Variants in CBFA2T2 observed in about 807,000 individuals in gnomAD.
The protein encoded by CBFA2T2 is CBFA2/RUNX1 partner transcriptional co-repressor 2, also known as protein CBFA2T2.
A neutral mutation model predicts 62.2 loss-of-function variants in CBFA2T2; 11 were observed. That is an observed-to-expected ratio of 0.18 (90% CI 0.11 to 0.29). The LOEUF (loss-of-function observed/expected upper bound fraction) is 0.29, where lower values mean the gene tolerates loss of function less well. Among genes scored for constraint, CBFA2T2 ranks in the 10% least tolerant of loss-of-function variants. CBFA2T2 has a pLI of 1.00. For missense variants in CBFA2T2, 592 were observed against 774.1 expected, an observed-to-expected ratio of 0.76 and a Z score of 2.79; for synonymous variants, 295 against 287.5, an observed-to-expected ratio of 1.03 and a Z score of -0.27.
intron 1 of CBFA2T2, among the ~76,000 whole-genome samples, chr20:33,525,974 A>G (rs564505132): frequency 2.0e-5 from 3 of 152,014 alleles, no homozygotes; most frequent in Admixed American, 6.6e-5. Context: ...CTTTCTGTCT[A>G]TGGATTTGCC....
At chr20:33,534,556 G>A (rs1191724546) in intron 1 of CBFA2T2, among the ~76,000 whole-genome samples, 3 of 151,870 alleles carry the variant, frequency 2.0e-5, no homozygotes, top group African/African-American at 7.3e-5. Flanking sequence ...CAAGTGATCC[G>A]TCCACCTCGG....
At chr20:33,591,179 C>CAAAAAAAAAAAAAAAAAAAAA (rs80021195) in intron 1 of CBFA2T2, among the ~76,000 whole-genome samples, 2 of 82,050 alleles carry the variant, frequency 2.4e-5, no homozygotes, top group African/African-American at 7.1e-5. Context: ...AACTCCCTCT[C>CAAAAAAAAAAAAAAAAAAAAA]AAAAAAAAAA....
intron 6 of CBFA2T2, among the ~76,000 whole-genome samples, chr20:33,627,507 A>G (rs2016285337): frequency 6.6e-6 from 1 of 152,130 alleles, no homozygotes; most frequent in South Asian, 2.1e-4. Flanking sequence ...TGACTTGAGA[A>G]AGAAGTATGC....
intron 1 of CBFA2T2, among the ~76,000 whole-genome samples, chr20:33,592,424 AAAATTATATATAATTATGTAAAT>A: frequency 6.8e-6 from 1 of 147,840 alleles, no homozygotes; most frequent in South Asian, 2.1e-4. Context: ...TAATTATGTA[AAAATTATATATAATTATGTAAAT>A]ATATATATAA....
chr20:33,503,455 A>G (rs1424368150), intron 1 of CBFA2T2, among the ~76,000 whole-genome samples: 2 of 151,792 alleles, frequency 1.3e-5, no homozygotes, highest in African/African-American at 2.4e-5. Flanking sequence ...GGGTTTCACC[A>G]TGTTGACCAG....
At chr20:33,535,959 CAT>C (rs1439830940) in intron 1 of CBFA2T2, among the ~76,000 whole-genome samples, 1 of 152,204 alleles carries the variant, frequency 6.6e-6, no homozygotes, top group African/African-American at 2.4e-5. Flanking sequence ...GGACACAGCA[CAT>C]GTTTCAGAGA....
At chr20:33,605,905 G>T (rs746696867) in intron 1 of CBFA2T2, among the ~76,000 whole-genome samples, 1 of 151,120 alleles carries the variant, frequency 6.6e-6, no homozygotes, top group Admixed American at 6.6e-5. Flanking sequence ...TGCAACCTCC[G>T]CCTCCCAGGT....
chr20:33,559,687 C>T (rs991556205), intron 1 of CBFA2T2, among the ~76,000 whole-genome samples: 8 of 152,062 alleles, frequency 5.3e-5, no homozygotes, highest in Non-Finnish European at 7.4e-5. Flanking sequence ...GGGGTTTCAC[C>T]GTGTTGGCTA....
At chr20:33,498,505 G>C (rs1407603402) in intron 1 of CBFA2T2, among the ~76,000 whole-genome samples, 2 of 151,562 alleles carry the variant, frequency 1.3e-5, no homozygotes, top group Non-Finnish European at 2.9e-5. Context: ...TGCCCACCTC[G>C]GCCTCCCAAA....
At chr20:33,506,965 T>G (rs1229507195) in intron 1 of CBFA2T2, among the ~76,000 whole-genome samples, 2 of 152,194 alleles carry the variant, frequency 1.3e-5, no homozygotes, top group African/African-American at 4.8e-5. Context: ...AATACTGAAA[T>G]CAATTTCTGA....
At chr20:33,638,393 C>G (rs2016705020) in intron 9 of CBFA2T2, among the ~76,000 whole-genome samples, 1 of 152,178 alleles carries the variant, frequency 6.6e-6, no homozygotes, top group Non-Finnish European at 1.5e-5. Context: ...AGTCCTTGCT[C>G]TGCTACAGTG....
chr20:33,624,425 C>T (rs1054847874), intron 5 of CBFA2T2, among the ~76,000 whole-genome samples: 5 of 151,772 alleles, frequency 3.3e-5, no homozygotes, highest in Admixed American at 6.6e-5. Context: ...TCCACAGTAA[C>T]AAATTTGACC....
chr20:33,624,719 A>G lies in CBFA2T2; in HGVS notation c.693-45A>G, dbSNP rs114394987. The G allele has an allele frequency of 3.9e-4, 621 of 1,600,826 alleles. 4 individuals carry two copies. The African/African-American group carries it at 7.4e-3, about 19-fold the overall frequency. Reference sequence around the variant, plus strand: ...AGGTTCTCAGGAAATGTCTGCATGAACACTTGTTGACAGGATCAGATACGC... The same window carrying G: ...AGGTTCTCAGGAAATGTCTGCATGAGCACTTGTTGACAGGATCAGATACGC... On this transcript the variant is annotated intron_variant, in intron 5 of 10. Transcript: ENST00000342704.
intron 1 of CBFA2T2, among the ~76,000 whole-genome samples, chr20:33,537,531 G>A (rs2012298439): frequency 6.6e-6 from 1 of 152,184 alleles, no homozygotes; most frequent in African/African-American, 2.4e-5. Flanking sequence ...GGGAGAGGGA[G>A]AGCTCTTTTT....
At chr20:33,577,916 A>C (rs2013903101) in intron 1 of CBFA2T2, among the ~76,000 whole-genome samples, 1 of 152,232 alleles carries the variant, frequency 6.6e-6, no homozygotes. Context: ...TGAATATATG[A>C]AGATGGAGAG....
intron 1 of CBFA2T2, among the ~76,000 whole-genome samples, chr20:33,590,353 C>G (rs937949840): frequency 6.6e-6 from 1 of 151,658 alleles, no homozygotes; most frequent in East Asian, 1.9e-4. Flanking sequence ...TTTTAAGTAC[C>G]TGTTGGCCCA....
chr20:33,618,327 A>G lies in CBFA2T2; in HGVS notation c.421-1190A>G, dbSNP rs904214979. The G allele has an allele frequency of 3.3e-5, 5 of 152,206 alleles. No individual in the cohort carries two copies. The South Asian group carries it at 1.0e-3, about 31-fold the overall frequency. 9.4% of individuals were successfully genotyped at this position (152,206 alleles called of 1,614,324 possible). On this transcript the variant is annotated intron_variant, in intron 3 of 10. Coordinates refer to ENST00000342704, the MANE Select transcript of CBFA2T2 (RefSeq NM_001032999.3). ...GGGGAGCAAGCAGGGATTCAGAATA[A>G]TCCCCATATTTCATTTTGTTCGTTT... is the stretch of plus-strand genomic sequence containing the variant.
chr20:33,546,528 C>T (rs1015758397), intron 1 of CBFA2T2, among the ~76,000 whole-genome samples: 1 of 151,350 alleles, frequency 6.6e-6, no homozygotes, highest in African/African-American at 2.4e-5. Flanking sequence ...ACCTGCTCAG[C>T]TCTAGCAATC....
At chr20:33,588,269 G>A (rs1252398606) in intron 1 of CBFA2T2, among the ~76,000 whole-genome samples, 1 of 151,844 alleles carries the variant, frequency 6.6e-6, no homozygotes, top group African/African-American at 2.4e-5. Context: ...CTTTGTTGAA[G>A]TGTTAATTAA....
Sources: allele counts gnomAD v4.1 joint callset (sites outside exome capture counted in the v4.1 genomes callset), GRCh38; gene constraint gnomAD v4.1.1; transcripts MANE v1.5; gene names NCBI Gene and HGNC (gene_info 2026-07-23, HGNC 2026-07-21).